MEGF6: variants seen among roughly 807,000 people sequenced by gnomAD.
MEGF6 encodes the protein multiple epidermal growth factor-like domains protein 6.
MEGF6 carries 184 observed loss-of-function variants against 207.1 expected under a neutral mutation model. The ratio of observed to expected loss-of-function variants is 0.89; its 90% CI spans 0.79 to 1.00. The LOEUF is 1.00. Among genes scored for constraint, MEGF6 ranks in the 50% least tolerant of loss-of-function variants. The pLI, the probability that MEGF6 is intolerant of heterozygous loss-of-function variation, is 0.00. For missense variants in MEGF6, 2,282 were observed against 2,202.9 expected (o/e 1.04, Z -0.72); for synonymous variants, 1,038 against 910.0 (o/e 1.14, Z -2.53).
Position 3,491,063 on chromosome 1 carries a change from T to G in MEGF6, c.4517-104A>C, listed in dbSNP as rs578071915. 1.0e-4 allele frequency: 105 copies of G among 1,040,892 alleles called. No homozygotes were observed. In the African/African-American group the frequency reaches 1.5e-3, roughly 15 times the overall value. The allele number at this position is 1,040,892 out of a possible 1,614,324, so 64.5% of individuals were successfully genotyped here. ...CATCCAGGCCTTCAGGGACCTCCAC[T>G]TCCCCCGCACAGTCTCCTTCCCTTC... On this transcript the variant is annotated intron_variant, in intron 35 of 36. Coordinates refer to ENST00000356575, the MANE Select transcript of MEGF6 (RefSeq NM_001409.4).
At chr1:3,505,076 C>A in intron 17 of MEGF6, 132 bp downstream of exon 17, 1 of 1,086,800 alleles carries the variant, frequency 9.2e-7, no homozygotes, top group Non-Finnish European at 1.3e-6. Context: ...GGTAGCAAGG[C>A]ACCACCTGGG....
intron 3 of MEGF6, among the ~76,000 whole-genome samples, chr1:3,589,186 G>A (rs532463512): frequency 2.1e-4 from 32 of 152,222 alleles, no homozygotes; most frequent in African/African-American, 6.7e-4. Flanking sequence ...ACCACGGAAC[G>A]CCGCGGAAGC....
chr1:3,610,003 G>A (rs1314897073), intron 1 of MEGF6, among the ~76,000 whole-genome samples: 1 of 152,248 alleles, frequency 6.6e-6, no homozygotes, highest in South Asian at 2.1e-4. Context: ...GGCCACTGTT[G>A]TGTCCCTTCT....
chr1:3,549,125 CCCA>C (rs1642807139), intron 4 of MEGF6, among the ~76,000 whole-genome samples: 1 of 152,188 alleles, frequency 6.6e-6, no homozygotes, highest in African/African-American at 2.4e-5. Context: ...GTGATCTGTC[CCCA>C]GCCAGACCAT....
intron 18 of MEGF6, 28 bp downstream of exon 18, chr1:3,501,768 C>G (rs779453204): frequency 3.7e-6 from 6 of 1,606,336 alleles, no homozygotes; most frequent in Non-Finnish European, 5.1e-6. Context: ...CCTGGGGAGG[C>G]GGAACTGGGG....
chr1:3,602,474 A>G lies in MEGF6; in HGVS notation c.258T>C (p.His86=), dbSNP rs1239687301. 3 of 1,613,246 alleles carry G rather than the reference A, an allele frequency of 1.9e-6. No individual in the cohort carries two copies. Among genetic ancestry groups the G allele is most frequent in the African/African-American group, 1.3e-5 (1 of 74,922 alleles). ...GCGWQAWCVG[H]ERRTVYYMGY... The stretch of plus-strand genomic sequence containing the variant: ...CGGGCCCCTGCACTTACCTCCGCTC[A>G]TGACCCACGCACCACGCCTGCCACC... Residue 86 remains histidine (H), a synonymous_variant, in exon 2 of 37, where the codon CAT becomes CAC. Coordinates refer to ENST00000356575, the MANE Select transcript of MEGF6 (RefSeq NM_001409.4).
At chr1:3,551,685 C>T (rs559828418) in intron 4 of MEGF6, among the ~76,000 whole-genome samples, 1 of 152,160 alleles carries the variant, frequency 6.6e-6, no homozygotes, top group Non-Finnish European at 1.5e-5. Flanking sequence ...CCTCCCCACA[C>T]ACCCCTCTGC....
At chr1:3,614,285 T>G (rs1254385660), upstream of MEGF6, among the ~76,000 whole-genome samples, 1 of 152,176 alleles carries the variant, frequency 6.6e-6, no homozygotes, top group South Asian at 2.1e-4. Flanking sequence ...AGGGCATGGG[T>G]GTCACTCAGA....
At chr1:3,499,969 G>A (rs1483145640) in intron 21 of MEGF6, 45 bp from the exon 22 acceptor site, 21 of 1,513,098 alleles carry the variant, frequency 1.4e-5, no homozygotes, top group Non-Finnish European at 1.7e-5. Context: ...AGGGCCAGGA[G>A]CCTGACCCAG....
At chr1:3,535,814 C>G (rs554391789) in intron 4 of MEGF6, among the ~76,000 whole-genome samples, 2 of 152,322 alleles carry the variant, frequency 1.3e-5, no homozygotes, top group East Asian at 3.9e-4. Context: ...GTCTGACTCT[C>G]CCCCAAATCC....
intron 4 of MEGF6, among the ~76,000 whole-genome samples, chr1:3,540,041 C>T (rs1436497926): frequency 6.6e-6 from 1 of 152,208 alleles, no homozygotes; most frequent in African/African-American, 2.4e-5. Flanking sequence ...TTATCTGGAG[C>T]ACGGCCACAG....
At chr1:3,591,501 T>C (rs919630135) in intron 3 of MEGF6, among the ~76,000 whole-genome samples, 2 of 152,212 alleles carry the variant, frequency 1.3e-5, no homozygotes, top group Non-Finnish European at 2.9e-5. Flanking sequence ...GCTCTTACTG[T>C]ATACAGGCAC....
intron 4 of MEGF6, among the ~76,000 whole-genome samples, chr1:3,538,073 G>A (rs182772946): frequency 3.6e-4 from 55 of 152,268 alleles, no homozygotes; most frequent in Admixed American, 6.5e-4. Context: ...ATCTGCCTTC[G>A]TGGGCTCAAG....
At chr1:3,548,434 C>G (rs1473174373) in intron 4 of MEGF6, among the ~76,000 whole-genome samples, 1 of 152,268 alleles carries the variant, frequency 6.6e-6, no homozygotes, top group Admixed American at 6.5e-5. Context: ...GTCAGCACAG[C>G]CCTGCGGAGG....
At position 3,489,357 on chromosome 1, in the gene MEGF6, T is replaced by C. The variant is rs1252380503; in HGVS notation, c.*1171A>G. Among the ~76,000 whole-genome samples, 2 of 152,192 alleles carry C rather than the reference T, an allele frequency of 1.3e-5. No individual in the cohort carries two copies. The highest frequency in any genetic ancestry group is 2.9e-5 in the Non-Finnish European group (2 of 68,022). ...GGCAGCCCAGACCCTAAGGGGGCCT[T>C]CTTAAGGGAGAGAGAGTCCTATGTT... On this transcript the variant is annotated 3_prime_UTR_variant, in exon 37 of 37. Coordinates refer to ENST00000356575, the MANE Select transcript of MEGF6 (RefSeq NM_001409.4).
At chr1:3,574,981 T>C (rs1323433322) in intron 4 of MEGF6, among the ~76,000 whole-genome samples, 2 of 152,196 alleles carry the variant, frequency 1.3e-5, no homozygotes, top group Non-Finnish European at 2.9e-5. Context: ...TACCTAGAGG[T>C]GACCCAGGCC....
chr1:3,617,361 G>A, the MEGF6 span, among the ~76,000 whole-genome samples: 8 of 152,272 alleles, frequency 5.3e-5, no homozygotes, highest in South Asian at 4.2e-4. Flanking sequence ...CCTGCCACCC[G>A]TGAATGTGAC....
At chr1:3,525,097 C>T (rs1204785194) in intron 4 of MEGF6, among the ~76,000 whole-genome samples, 1 of 152,346 alleles carries the variant, frequency 6.6e-6, no homozygotes, top group Non-Finnish European at 1.5e-5. Context: ...GAAACCAATG[C>T]AGCTGGGGTC....
intron 2 of MEGF6, among the ~76,000 whole-genome samples, chr1:3,596,718 C>G (rs1208368633): frequency 1.3e-5 from 2 of 150,740 alleles, no homozygotes. Context: ...CCATCCCCTG[C>G]CCAGCCCCCG....
Sources: allele counts gnomAD v4.1 joint callset (sites outside exome capture counted in the v4.1 genomes callset), GRCh38; gene constraint gnomAD v4.1.1; transcripts MANE v1.5; gene names NCBI Gene and HGNC (gene_info 2026-07-23, HGNC 2026-07-21).